CNTNAP2: variants seen among roughly 807,000 people sequenced by gnomAD.
CNTNAP2 encodes the protein contactin associated protein 2.
CNTNAP2 carries 98 observed loss-of-function variants against 155.2 expected under a neutral mutation model. The ratio of observed to expected loss-of-function variants is 0.63; its 90% confidence interval spans 0.54 to 0.75. The LOEUF is 0.75. CNTNAP2 is among the 30% of genes least tolerant of loss of function. The pLI is 0.00. For missense variants in CNTNAP2, 1,727 were observed against 1,688.1 expected (o/e 1.02, Z -0.40); for synonymous variants, 651 against 631.2 (o/e 1.03, Z -0.47).
chr7:146,140,801 C>T (rs914662472), intron 1 of CNTNAP2, among the ~76,000 whole-genome samples: 13 of 151,884 alleles, frequency 8.6e-5, no homozygotes, highest in Non-Finnish European at 1.6e-4. Flanking sequence ...ATTTTCATAG[C>T]GGAAACAAAG....
At chr7:146,357,100 G>A (rs936281654) in intron 1 of CNTNAP2, among the ~76,000 whole-genome samples, 4 of 152,108 alleles carry the variant, frequency 2.6e-5, no homozygotes, top group Non-Finnish European at 5.9e-5. Flanking sequence ...AAGGTCAGAT[G>A]CTCAGGCTCA....
intron 9 of CNTNAP2, among the ~76,000 whole-genome samples, chr7:147,347,425 T>TATATATATATATATGC (rs1252186348): frequency 3.6e-4 from 17 of 47,192 alleles, no homozygotes; most frequent in Non-Finnish European, 6.0e-4. Flanking sequence ...AAAGATTATA[T>TATATATATATATATGC]ATATATATAT....
intron 12 of CNTNAP2, among the ~76,000 whole-genome samples, chr7:147,633,086 G>A (rs1244012257): frequency 1.3e-5 from 2 of 152,236 alleles, no homozygotes; most frequent in Non-Finnish European, 2.9e-5. Flanking sequence ...CAGGCCCAGA[G>A]GCCTAGGAGG....
At chr7:148,120,849 G>C (rs1401251884) in intron 16 of CNTNAP2, among the ~76,000 whole-genome samples, 1 of 152,044 alleles carries the variant, frequency 6.6e-6, no homozygotes, top group African/African-American at 2.4e-5. Context: ...CATATTAGAT[G>C]CCCATCATTA....
At position 146,721,022 on chromosome 7, in the gene CNTNAP2, T is replaced by TATAGTCTATATATATACTCTATATATTA. The variant is rs71525966; in HGVS notation, c.98-53249_98-53248insATAGTCTATATATATACTCTATATATTA. ...ATAGTCTATATATATACTCTATATA[T>TATAGTCTATATATATACTCTATATATTA]TATATATACTCTATATATTCTATAT... On this transcript the variant is annotated intron_variant, in intron 1 of 23. Coordinates refer to ENST00000361727, the MANE Select transcript of CNTNAP2 (RefSeq NM_014141.6). Among the ~76,000 whole-genome samples, 120 of 120,434 alleles carry TATAGTCTATATATATACTCTATATATTA rather than the reference T, an allele frequency of 1.0e-3. 3 individuals are homozygous for TATAGTCTATATATATACTCTATATATTA. The highest frequency in any genetic ancestry group is 4.9e-3 in the African/African-American group (117 of 23,844). 79.0% of individuals were successfully genotyped at this position (120,434 alleles called of 152,430 possible).
At position 147,245,919 on chromosome 7, in the gene CNTNAP2, A is replaced by G. The variant is rs188560553; in HGVS notation, c.1349-54222A>G. ...TATCTGTGTGTGTGTATACACATAT[A>G]TATGCACACATGTATATATTTATAT... On this transcript the variant is annotated intron_variant, in intron 8 of 23. Coordinates refer to ENST00000361727, the MANE Select transcript of CNTNAP2 (RefSeq NM_014141.6). Among the ~76,000 whole-genome samples the G allele has an allele frequency of 4.2e-3, 634 of 151,118 alleles. 2 individuals carry two copies. Among genetic ancestry groups the G allele is most frequent in the Middle Eastern group, 0.028 (8 of 284 alleles).
chr7:148,418,021 G>A lies in CNTNAP2; in HGVS notation c.*2405G>A, dbSNP rs1232665652. On this transcript the variant is annotated 3_prime_UTR_variant, in exon 24 of 24. Coordinates refer to ENST00000361727, the MANE Select transcript of CNTNAP2 (RefSeq NM_014141.6). Reference sequence around the variant, plus strand: ...ATATCACCATCAATTAAGACATATAGGACACTGTCTTCCTTCAAGAGGGTT... The same window carrying A: ...ATATCACCATCAATTAAGACATATAAGACACTGTCTTCCTTCAAGAGGGTT... The A allele has an allele frequency of 6.6e-6, 1 of 152,146 alleles. No individual in the cohort carries two copies. The highest frequency in any genetic ancestry group is 2.4e-5 in the African/African-American group (1 of 41,432). 9.4% of individuals were successfully genotyped at this position (152,146 alleles called of 1,614,324 possible). A position where few individuals can be genotyped will look rare whatever the true frequency, so the allele number is the denominator to read the frequency against.
intron 3 of CNTNAP2, among the ~76,000 whole-genome samples, chr7:147,040,066 G>A (rs1009576243): frequency 1.3e-5 from 2 of 152,132 alleles, no homozygotes; most frequent in Admixed American, 1.3e-4. Flanking sequence ...CCTGACAAAG[G>A]TCTAATATCC....
intron 14 of CNTNAP2, among the ~76,000 whole-genome samples, chr7:147,911,436 G>C (rs563126026): frequency 6.6e-6 from 1 of 152,244 alleles, no homozygotes; most frequent in African/African-American, 2.4e-5. Flanking sequence ...TGGTCTCGAG[G>C]GGTCTTATTT....
intron 13 of CNTNAP2, among the ~76,000 whole-genome samples, chr7:147,869,542 C>T (rs903467854): frequency 6.6e-6 from 1 of 152,114 alleles, no homozygotes; most frequent in Non-Finnish European, 1.5e-5. Flanking sequence ...AGCACATCAC[C>T]GTCAAGGAAA....
intron 1 of CNTNAP2, among the ~76,000 whole-genome samples, chr7:146,431,824 G>A (rs969360941): frequency 6.6e-6 from 1 of 152,022 alleles, no homozygotes; most frequent in Admixed American, 6.6e-5. Flanking sequence ...CGTTTATTTT[G>A]TGCTTTATTA....
intron 3 of CNTNAP2, among the ~76,000 whole-genome samples, chr7:147,015,250 C>A (rs978320527): frequency 1.3e-5 from 2 of 152,062 alleles, no homozygotes; most frequent in Admixed American, 6.6e-5. Context: ...GGGCACACTG[C>A]CCCAATTTCT....
chr7:146,731,857 GA>G (rs890764822), intron 1 of CNTNAP2, among the ~76,000 whole-genome samples: 2 of 151,686 alleles, frequency 1.3e-5, no homozygotes, highest in African/African-American at 4.8e-5. Context: ...ATAATTTTTT[GA>G]AAAAATATAC....
chr7:146,421,576 C>T (rs1339888328), intron 1 of CNTNAP2, among the ~76,000 whole-genome samples: 3 of 151,834 alleles, frequency 2.0e-5, no homozygotes, highest in Non-Finnish European at 4.4e-5. Flanking sequence ...TATTAGACAT[C>T]TACATATTTT....
intron 1 of CNTNAP2, among the ~76,000 whole-genome samples, chr7:146,278,795 C>A (rs930268185): frequency 2.6e-5 from 4 of 152,034 alleles, no homozygotes; most frequent in African/African-American, 9.7e-5. Context: ...ATTGAAGTAA[C>A]CAATATTTCT....
chr7:148,365,766 G>GTA (rs1798735115), intron 21 of CNTNAP2, among the ~76,000 whole-genome samples: 1 of 57,914 alleles, frequency 1.7e-5, no homozygotes, highest in Non-Finnish European at 3.8e-5. Context: ...ATGTGTATAC[G>GTA]TGTATACATG....
intron 3 of CNTNAP2, among the ~76,000 whole-genome samples, chr7:146,968,647 G>A (rs922812631): frequency 2.1e-4 from 31 of 150,178 alleles, no homozygotes; most frequent in Non-Finnish European, 2.7e-4. Context: ...CTGTGGGATC[G>A]GTGGTGATAT....
chr7:147,446,026 C>A (rs994994963), intron 10 of CNTNAP2, among the ~76,000 whole-genome samples: 1 of 152,068 alleles, frequency 6.6e-6, no homozygotes, highest in Admixed American at 6.5e-5. Flanking sequence ...TCTGATAAAT[C>A]GCCTACCACC....
chr7:146,769,125 C>T (rs1197741380), intron 1 of CNTNAP2, among the ~76,000 whole-genome samples: 1 of 152,174 alleles, frequency 6.6e-6, no homozygotes, highest in Non-Finnish European at 1.5e-5. Flanking sequence ...ACTCAAGGCC[C>T]ATCTGCTTTT....
Sources: allele counts gnomAD v4.1 joint callset (sites outside exome capture counted in the v4.1 genomes callset), GRCh38; gene constraint gnomAD v4.1.1; transcripts MANE v1.5; gene names NCBI Gene and HGNC (gene_info 2026-07-23, HGNC 2026-07-21).